TWIST2: variants seen among roughly 807,000 people sequenced by gnomAD.
TWIST2 encodes twist-related protein 2.
TWIST2 carries 1 observed loss-of-function variant against 11.6 expected under a neutral mutation model. That is an observed-to-expected ratio of 0.09 (90% CI 0.03 to 0.41). The LOEUF is 0.41. TWIST2 is among the 10% of genes least tolerant of loss of function. The pLI, the probability that TWIST2 is intolerant of heterozygous loss-of-function variation, is 0.98. For missense variants in TWIST2, 168 were observed against 226.4 expected, an observed-to-expected ratio of 0.74 and a Z score of 1.66; for synonymous variants, 87 against 96.6, an observed-to-expected ratio of 0.90 and a Z score of 0.58.
chr2:238,883,934 C>A (rs537375435), intron 1 of TWIST2, among the ~76,000 whole-genome samples: 15 of 152,272 alleles, frequency 9.9e-5, no homozygotes, highest in Admixed American at 2.6e-4. Context: ...TCGTGAGCCG[C>A]GCTGTGGTTT....
intron 1 of TWIST2, among the ~76,000 whole-genome samples, chr2:238,865,139 C>G (rs1025125818): frequency 6.6e-6 from 1 of 152,332 alleles, no homozygotes; most frequent in Middle Eastern, 3.4e-3. Context: ...GAGCTGGGTG[C>G]TTTCACCCCC....
intron 1 of TWIST2, among the ~76,000 whole-genome samples, chr2:238,859,900 C>G (rs889896924): frequency 6.6e-6 from 1 of 152,216 alleles, no homozygotes; most frequent in Non-Finnish European, 1.5e-5. Context: ...AGCCTCTCCA[C>G]AGTAGACTGA....
At chr2:238,888,518 A>C (rs1267216261) in intron 1 of TWIST2, among the ~76,000 whole-genome samples, 1 of 152,234 alleles carries the variant, frequency 6.6e-6, no homozygotes, top group Non-Finnish European at 1.5e-5. Flanking sequence ...ATCGACTTTG[A>C]CACCACTCTG....
chr2:238,894,424 G>A (rs905448746), intron 1 of TWIST2, among the ~76,000 whole-genome samples: 39 of 152,316 alleles, frequency 2.6e-4, no homozygotes, highest in African/African-American at 8.7e-4. Flanking sequence ...GGGTCACTGT[G>A]TCTGGTGGGT....
At chr2:238,876,215 G>A (rs1176885970) in intron 1 of TWIST2, among the ~76,000 whole-genome samples, 4 of 152,202 alleles carry the variant, frequency 2.6e-5, no homozygotes, top group African/African-American at 2.4e-5. Flanking sequence ...ATCAAGTCAG[G>A]CACCCAGGCA....
chr2:238,902,606 G>C (rs1693283276), intron 1 of TWIST2, among the ~76,000 whole-genome samples: 1 of 148,808 alleles, frequency 6.7e-6, no homozygotes, highest in South Asian at 2.2e-4. Context: ...TGTGTGATAT[G>C]AGTTGTGCAT....
intron 1 of TWIST2, among the ~76,000 whole-genome samples, chr2:238,855,225 C>T (rs924539300): frequency 5.3e-5 from 8 of 152,108 alleles, no homozygotes; most frequent in African/African-American, 1.9e-4. Context: ...CAGAATAAGG[C>T]AGTTATCATT....
At chr2:238,849,668 C>T in intron 1 of TWIST2, among the ~76,000 whole-genome samples, 1 of 152,198 alleles carries the variant, frequency 6.6e-6, no homozygotes, top group East Asian at 1.9e-4. Flanking sequence ...GGAGAAGGCT[C>T]GGGGGACACA....
intron 1 of TWIST2, among the ~76,000 whole-genome samples, chr2:238,860,929 C>T (rs1692422742): frequency 6.6e-6 from 1 of 152,276 alleles, no homozygotes; most frequent in South Asian, 2.1e-4. Flanking sequence ...CAGAGCAAGA[C>T]TCCACCTCAA....
intron 1 of TWIST2, among the ~76,000 whole-genome samples, chr2:238,880,213 T>C (rs1297409234): frequency 1.3e-5 from 2 of 151,670 alleles, no homozygotes; most frequent in Non-Finnish European, 2.9e-5. Context: ...CTGTTAGTAT[T>C]AGTATTAGTG....
intron 1 of TWIST2, among the ~76,000 whole-genome samples, chr2:238,876,396 C>G (rs372518837): frequency 6.6e-6 from 1 of 152,204 alleles, no homozygotes; most frequent in Non-Finnish European, 1.5e-5. Context: ...TGGGTAAACA[C>G]CTTCTGCTTT....
At chr2:238,901,084 C>G (rs1693264119) in intron 1 of TWIST2, among the ~76,000 whole-genome samples, 1 of 150,250 alleles carries the variant, frequency 6.7e-6, no homozygotes, top group Non-Finnish European at 1.5e-5. Flanking sequence ...TTCAAGTGTT[C>G]CCCTGCCTCA....
rs1692503765 is a variant in TWIST2, at chr2:238,864,794, G to C, written c.*35+16061G>C. 6.6e-6 allele frequency among the ~76,000 whole-genome samples: 1 copy of C among 152,084 alleles called. No individual in the cohort carries two copies. Among genetic ancestry groups the C allele is most frequent in the African/African-American group, 2.4e-5 (1 of 41,418 alleles). ...TACCCTGGGAAACACCTGTGGGGCTGTCCCCTTCTCTGAGCATCTGTGAGG... is the reference window on the plus strand; with the variant it reads ...TACCCTGGGAAACACCTGTGGGGCTCTCCCCTTCTCTGAGCATCTGTGAGG... On this transcript the variant is annotated intron_variant, in intron 1 of 1. Transcript: ENST00000612363. This position sits in a 1 kb window ranked among gnomAD's most constrained non-coding sequence, Gnocchi z 4.7.
chr2:238,895,943 C>T (rs1228777795), intron 1 of TWIST2, among the ~76,000 whole-genome samples: 2 of 152,214 alleles, frequency 1.3e-5, no homozygotes, highest in Non-Finnish European at 2.9e-5. Context: ...AGCCTGGGTC[C>T]CTGAAGCCAA....
intron 1 of TWIST2, among the ~76,000 whole-genome samples, chr2:238,875,246 T>C (rs1692783056): frequency 6.6e-6 from 1 of 151,922 alleles, no homozygotes; most frequent in Admixed American, 6.6e-5. Flanking sequence ...TTTTCTTTTC[T>C]CTGGGGTGAG....
At chr2:238,857,541 A>G (rs751349907) in intron 1 of TWIST2, among the ~76,000 whole-genome samples, 1 of 152,106 alleles carries the variant, frequency 6.6e-6, no homozygotes, top group Non-Finnish European at 1.5e-5. Flanking sequence ...CAGAGGAAGC[A>G]GGACCAGCCC....
chr2:238,850,897 T>C (rs1476048802), intron 1 of TWIST2, among the ~76,000 whole-genome samples: 1 of 152,188 alleles, frequency 6.6e-6, no homozygotes, highest in Non-Finnish European at 1.5e-5. Context: ...AAAAATTTTA[T>C]CCATGAATGA....
chr2:238,908,749 GTT>G (rs1693399656), intron 1 of TWIST2, among the ~76,000 whole-genome samples: 22 of 151,944 alleles, frequency 1.4e-4, no homozygotes, highest in African/African-American at 3.4e-4. Flanking sequence ...GATGTGGTGT[GTT>G]TGTGTGTGGT....
At chr2:238,905,758 CAA>C (rs1480466635) in intron 1 of TWIST2, among the ~76,000 whole-genome samples, 1 of 152,164 alleles carries the variant, frequency 6.6e-6, no homozygotes, top group African/African-American at 2.4e-5. Flanking sequence ...CCACATTCTC[CAA>C]GAGAGAGCAG....
Sources: gnomAD v4.1 joint callset for allele counts (sites outside exome capture counted in the v4.1 genomes callset) on GRCh38, gnomAD v4.1.1 for gene constraint, Gnocchi (gnomAD v3.1) non-coding constraint, MANE v1.5 for transcripts, NCBI Gene and HGNC (gene_info 2026-07-23, HGNC 2026-07-21) for gene names.